CACNA1A: variants seen among roughly 807,000 people sequenced by gnomAD.
CACNA1A encodes calcium voltage-gated channel subunit alpha1 A, also known as voltage-dependent P/Q-type calcium channel subunit alpha-1A.
A neutral mutation model predicts 262.4 loss-of-function variants in CACNA1A; 57 were observed. The ratio of observed to expected loss-of-function variants is 0.22; its 90% CI spans 0.18 to 0.27. The LOEUF is 0.27. CACNA1A is among the 10% of genes least tolerant of loss of function. CACNA1A has a pLI of 1.00. For missense variants in CACNA1A, 2,526 were observed against 3,562.8 expected (o/e 0.71, Z 7.41); for synonymous variants, 1,431 against 1,419.3 (o/e 1.01, Z -0.18).
chr19:13,224,540 A>C, intron 38 of CACNA1A, 127 bp downstream of exon 38: 1 of 655,790 alleles, frequency 1.5e-6, no homozygotes, highest in Non-Finnish European at 2.7e-6. Flanking sequence ...ACCCTGTGGA[A>C]CGAATGAATG....
chr19:13,312,073 C>T (rs1326663859), intron 12 of CACNA1A, among the ~76,000 whole-genome samples: 1 of 152,084 alleles, frequency 6.6e-6, no homozygotes, highest in East Asian at 1.9e-4. Context: ...GGTCATATCT[C>T]CATCTTGTAG....
In CACNA1A at chr19:13,241,041, G is replaced by T. The variant is rs1020469094; in HGVS notation, c.4950+4141C>A. Among the ~76,000 whole-genome samples the T allele has an allele frequency of 1.3e-5, 2 of 152,214 alleles. No individual in the cohort carries two copies. Among genetic ancestry groups the T allele is most frequent in the African/African-American group, 4.8e-5 (2 of 41,456 alleles). ...CTGGTCAAGGCCAAAGATCTTGTGG[G>T]CTTGAGATGGAGGATTGGGGACAGC... On this transcript the variant is annotated intron_variant, in intron 31 of 46. Coordinates refer to ENST00000360228, the MANE Select transcript of CACNA1A (RefSeq NM_001127222.2). This position sits in a 1 kb window ranked among gnomAD's most constrained non-coding sequence, Gnocchi z 4.0.
chr19:13,283,224 C>T, intron 22 of CACNA1A, 43 bp downstream of exon 22: 1 of 1,601,000 alleles, frequency 6.2e-7, no homozygotes, highest in Non-Finnish European at 8.5e-7. Context: ...TGGCCTGAGG[C>T]AGAGCAGCCA....
At chr19:13,342,649 A>G (rs2058694277) in intron 6 of CACNA1A, among the ~76,000 whole-genome samples, 1 of 152,178 alleles carries the variant, frequency 6.6e-6, no homozygotes, top group Non-Finnish European at 1.5e-5. Flanking sequence ...GTGAGTGGAA[A>G]TAGCTGTCAT....
At chr19:13,318,699 A>G (rs1242836495) in intron 10 of CACNA1A, among the ~76,000 whole-genome samples, 1 of 152,026 alleles carries the variant, frequency 6.6e-6, no homozygotes, top group East Asian at 1.9e-4. Context: ...CAGATTCAAC[A>G]TTTGCTGATG....
At chr19:13,502,427 C>T (rs61066960) in intron 1 of CACNA1A, among the ~76,000 whole-genome samples, 3,487 of 152,284 alleles carry the variant, frequency 0.023, 91 homozygotes, top group African/African-American at 0.055. Context: ...AGATGACATT[C>T]ACCTTGGCAC....
chr19:13,356,669 A>AT (rs1276892281), intron 6 of CACNA1A, among the ~76,000 whole-genome samples: 2 of 151,844 alleles, frequency 1.3e-5, no homozygotes, highest in African/African-American at 2.4e-5. Flanking sequence ...TATGCTCACA[A>AT]TTTTTTTCAG....
chr19:13,359,256 G>A (rs544554638), intron 6 of CACNA1A, among the ~76,000 whole-genome samples: 5 of 152,254 alleles, frequency 3.3e-5, no homozygotes, highest in East Asian at 1.9e-4. Flanking sequence ...GGGACCCCTC[G>A]CCTACGTCCA....
chr19:13,292,230 A>G (rs992238133), intron 19 of CACNA1A, among the ~76,000 whole-genome samples: 20 of 152,302 alleles, frequency 1.3e-4, no homozygotes, highest in African/African-American at 4.6e-4. Context: ...ATGAAATAGA[A>G]TGTGCGTCAG....
intron 1 of CACNA1A, among the ~76,000 whole-genome samples, chr19:13,486,777 C>A (rs886406690): frequency 1.3e-5 from 2 of 151,958 alleles, no homozygotes; most frequent in African/African-American, 4.8e-5. Context: ...CCATTGCCTT[C>A]CTTGCACTTC....
chr19:13,328,868 C>A (rs1458607609), intron 10 of CACNA1A, among the ~76,000 whole-genome samples: 1 of 152,008 alleles, frequency 6.6e-6, no homozygotes. Context: ...GGATCAGAAA[C>A]ACATGGATGT....
At chr19:13,313,903 G>T (rs144679504) in intron 11 of CACNA1A, among the ~76,000 whole-genome samples, 1 of 152,100 alleles carries the variant, frequency 6.6e-6, no homozygotes, top group Non-Finnish European at 1.5e-5. Context: ...TAGTTGGAGC[G>T]ACACAGGCAA....
chr19:13,429,925 G>T (rs1364127869), intron 3 of CACNA1A, among the ~76,000 whole-genome samples: 1 of 147,704 alleles, frequency 6.8e-6, no homozygotes, highest in Non-Finnish European at 1.5e-5. Flanking sequence ...CAAATTCACA[G>T]AGATAGAAAC....
At chr19:13,263,779 C>T (rs2056797171) in intron 24 of CACNA1A, among the ~76,000 whole-genome samples, 4 of 151,812 alleles carry the variant, frequency 2.6e-5, no homozygotes, top group Non-Finnish European at 5.9e-5. Flanking sequence ...CCTTGGCCTC[C>T]CAAAGTGTTG....
At chr19:13,360,320 C>CA (rs2059083715) in intron 5 of CACNA1A, among the ~76,000 whole-genome samples, 1 of 145,330 alleles carries the variant, frequency 6.9e-6, no homozygotes, top group African/African-American at 2.5e-5. Flanking sequence ...AGGGAGAGAA[C>CA]GGGGGGAGAG....
chr19:13,479,196 G>A (rs565629592), intron 1 of CACNA1A, among the ~76,000 whole-genome samples: 4 of 152,220 alleles, frequency 2.6e-5, no homozygotes, highest in East Asian at 1.9e-4. Flanking sequence ...AACAAAAAAC[G>A]AATAAAATCA....
chr19:13,294,363 T>C (rs1301573633), intron 19 of CACNA1A, among the ~76,000 whole-genome samples: 1 of 152,042 alleles, frequency 6.6e-6, no homozygotes, highest in Non-Finnish European at 1.5e-5. Context: ...CATGGTAGGG[T>C]ATTTAGTATA....
intron 3 of CACNA1A, among the ~76,000 whole-genome samples, chr19:13,421,744 C>T (rs1395566733): frequency 6.6e-6 from 1 of 152,116 alleles, no homozygotes; most frequent in East Asian, 1.9e-4. Flanking sequence ...CCTTGATCTT[C>T]CCAGCCTCCA....
At chr19:13,492,821 G>A (rs1464890980) in intron 1 of CACNA1A, among the ~76,000 whole-genome samples, 2 of 152,056 alleles carry the variant, frequency 1.3e-5, no homozygotes, top group Non-Finnish European at 2.9e-5. Context: ...CTAGCATACA[G>A]TAGGTGCTCA....
Sources: allele counts gnomAD v4.1 joint callset (sites outside exome capture counted in the v4.1 genomes callset), GRCh38; gene constraint gnomAD v4.1.1; non-coding constraint Gnocchi (gnomAD v3.1); transcripts MANE v1.5; gene names NCBI Gene and HGNC (gene_info 2026-07-23, HGNC 2026-07-21).